GRID2: variants seen among roughly 807,000 people sequenced by gnomAD.
GRID2 encodes glutamate ionotropic receptor delta type subunit 2.
Under a neutral mutation model 114.8 loss-of-function variants are expected in GRID2, and 33 were observed. The observed-to-expected ratio is 0.29, with a 90% CI of 0.22 to 0.38. The LOEUF (loss-of-function observed/expected upper bound fraction) is 0.38. Ranked by LOEUF, GRID2 falls within the 10% of genes least tolerant of loss-of-function variation. The probability of loss-of-function intolerance (pLI) is 1.00; values close to 1 mark genes in which losing one functional copy is unlikely to be tolerated. For synonymous variants in GRID2, 505 were observed against 449.9 expected, an observed-to-expected ratio of 1.12 and a Z score of -1.55; for missense variants, 1,184 against 1,257.7, an observed-to-expected ratio of 0.94 and a Z score of 0.89.
intron 2 of GRID2, among the ~76,000 whole-genome samples, chr4:92,942,307 C>T (rs1195806838): frequency 6.6e-6 from 1 of 152,078 alleles, no homozygotes; most frequent in African/African-American, 2.4e-5. Flanking sequence ...TGAATTGATC[C>T]CTTTACCATT....
intron 2 of GRID2, among the ~76,000 whole-genome samples, chr4:93,059,481 T>A (rs1364313814): frequency 6.6e-6 from 1 of 152,084 alleles, no homozygotes; most frequent in African/African-American, 2.4e-5. Context: ...TCCTGATGCA[T>A]TAAAAAATGT....
chr4:93,619,019 T>C (rs1171668926), intron 13 of GRID2, among the ~76,000 whole-genome samples: 1 of 152,208 alleles, frequency 6.6e-6, no homozygotes, highest in African/African-American at 2.4e-5. Flanking sequence ...GGCATAACAC[T>C]TCTTTTCTAG....
chr4:93,697,869 G>GTGTGTATATATATATATATATATATA (rs1553986412), intron 14 of GRID2, among the ~76,000 whole-genome samples: 5 of 122,656 alleles, frequency 4.1e-5, no homozygotes, highest in Non-Finnish European at 8.6e-5. Context: ...CACAATGTGT[G>GTGTGTATATATATATATATATATATA]TATATATATA....
intron 8 of GRID2, among the ~76,000 whole-genome samples, chr4:93,374,146 G>T (rs1271574023): frequency 6.6e-6 from 1 of 152,132 alleles, no homozygotes; most frequent in Non-Finnish European, 1.5e-5. Context: ...TGTAGATGAA[G>T]AAAATTCATT....
intron 2 of GRID2, among the ~76,000 whole-genome samples, chr4:93,083,721 C>T (rs1293915918): frequency 6.9e-6 from 1 of 145,262 alleles, no homozygotes; most frequent in Non-Finnish European, 1.5e-5. Flanking sequence ...AAAAAAAATA[C>T]ATCCTTGATG....
intron 1 of GRID2, among the ~76,000 whole-genome samples, chr4:92,429,638 T>C (rs1732338971): frequency 6.6e-6 from 1 of 152,164 alleles, no homozygotes; most frequent in Admixed American, 6.6e-5. Context: ...CTAGATCATA[T>C]GGTAGTCTAT....
chr4:92,446,694 A>G (rs896143196), intron 1 of GRID2, among the ~76,000 whole-genome samples: 5 of 152,194 alleles, frequency 3.3e-5, no homozygotes, highest in Non-Finnish European at 7.3e-5. Context: ...TACATTTTGT[A>G]TATTTACTTG....
At chr4:93,262,554 AT>A (rs1273213101) in intron 8 of GRID2, among the ~76,000 whole-genome samples, 1 of 151,980 alleles carries the variant, frequency 6.6e-6, no homozygotes, top group East Asian at 1.9e-4. Context: ...TTTTAAATCA[AT>A]TGCTTCTTTT....
chr4:93,425,974 G>A (rs1768805046), intron 10 of GRID2, among the ~76,000 whole-genome samples: 1 of 151,940 alleles, frequency 6.6e-6, no homozygotes, highest in South Asian at 2.1e-4. Context: ...TTCTGATAGG[G>A]CTAGTCCAAT....
intron 13 of GRID2, among the ~76,000 whole-genome samples, chr4:93,594,914 A>G (rs1018126767): frequency 6.6e-6 from 1 of 151,922 alleles, no homozygotes; most frequent in Middle Eastern, 3.2e-3. Flanking sequence ...GCTTCGGCTC[A>G]TGCACGGTGC....
chr4:92,618,477 G>A (rs1209848911), intron 2 of GRID2, among the ~76,000 whole-genome samples: 3 of 151,650 alleles, frequency 2.0e-5, no homozygotes, highest in Admixed American at 6.6e-5. Flanking sequence ...GCTTAAGATT[G>A]CTTTGGCTAT....
intron 2 of GRID2, among the ~76,000 whole-genome samples, chr4:92,677,961 C>T (rs2149281720): frequency 6.6e-6 from 1 of 152,152 alleles, no homozygotes; most frequent in East Asian, 1.9e-4. Flanking sequence ...GAAATCCAGT[C>T]ATTCCTTAGT....
intron 2 of GRID2, among the ~76,000 whole-genome samples, chr4:92,840,980 G>A (rs1433223861): frequency 6.6e-6 from 1 of 151,978 alleles, no homozygotes; most frequent in Non-Finnish European, 1.5e-5. Flanking sequence ...AATGGAGAAT[G>A]AACACTGAAA....
chr4:93,468,283 G>A (rs1314015719), intron 11 of GRID2, among the ~76,000 whole-genome samples: 2 of 152,096 alleles, frequency 1.3e-5, no homozygotes, highest in Non-Finnish European at 2.9e-5. Context: ...TGTTGGGGCT[G>A]TATTCATGAG....
intron 2 of GRID2, among the ~76,000 whole-genome samples, chr4:92,701,453 A>G (rs760690061): frequency 5.8e-4 from 89 of 152,178 alleles, no homozygotes; most frequent in Non-Finnish European, 1.2e-3. Context: ...AAGCTCTCCA[A>G]TATTGTGTTT....
chr4:92,581,392 T>G (rs1024847381), intron 1 of GRID2, among the ~76,000 whole-genome samples: 1 of 152,086 alleles, frequency 6.6e-6, no homozygotes, highest in African/African-American at 2.4e-5. Flanking sequence ...TGTGGATGAC[T>G]CAGCTTACCT....
At chr4:93,424,334 C>A (rs980581799) in intron 10 of GRID2, among the ~76,000 whole-genome samples, 18 of 152,028 alleles carry the variant, frequency 1.2e-4, no homozygotes, top group African/African-American at 4.3e-4. Flanking sequence ...ACCTGAAGAA[C>A]TTTCTTTAGA....
chr4:93,092,943 G>A (rs904383206), intron 3 of GRID2, among the ~76,000 whole-genome samples: 2 of 152,020 alleles, frequency 1.3e-5, no homozygotes, highest in Non-Finnish European at 1.5e-5. Flanking sequence ...ACTTAGCAGA[G>A]TAAGCATGTC....
At chr4:92,343,049 G>A (rs180823956) in intron 1 of GRID2, among the ~76,000 whole-genome samples, 21 of 152,022 alleles carry the variant, frequency 1.4e-4, no homozygotes, top group African/African-American at 4.6e-4. Context: ...ATAGTCCTAT[G>A]GGGAAATTTG....
Sources: allele counts gnomAD v4.1 joint callset (sites outside exome capture counted in the v4.1 genomes callset), GRCh38; gene constraint gnomAD v4.1.1; transcripts MANE v1.5; gene names NCBI Gene and HGNC (gene_info 2026-07-23, HGNC 2026-07-21).